The following CTNNA2 variants were observed in gnomAD, a reference collection of about 807,000 sequenced individuals.
CTNNA2 encodes catenin alpha-2.
Under a neutral mutation model 101.0 loss-of-function variants are expected in CTNNA2, and 42 were observed. The ratio of observed to expected loss-of-function variants is 0.42; its 90% confidence interval spans 0.32 to 0.54. CTNNA2 has a LOEUF of 0.54. CTNNA2 is among the 20% of genes least tolerant of loss of function. The pLI is 0.14. For missense variants in CTNNA2, 871 were observed against 1,223.1 expected, an observed-to-expected ratio of 0.71 and a Z score of 4.29; for synonymous variants, 450 against 456.4, an observed-to-expected ratio of 0.99 and a Z score of 0.18.
chr2:80,106,078 C>T (rs1024552254), intron 7 of CTNNA2, among the ~76,000 whole-genome samples: 2 of 152,180 alleles, frequency 1.3e-5, no homozygotes, highest in African/African-American at 2.4e-5. Context: ...AGCAATGCCT[C>T]CCCTAACAAA....
intron 4 of CTNNA2, among the ~76,000 whole-genome samples, chr2:79,421,571 A>G (rs139080742): frequency 1.3e-5 from 2 of 152,280 alleles, no homozygotes; most frequent in Non-Finnish European, 2.9e-5. Flanking sequence ...CTGGTGAACT[A>G]ACGACTGCTG....
intron 7 of CTNNA2, among the ~76,000 whole-genome samples, chr2:80,131,081 A>G (rs1311264224): frequency 1.3e-5 from 2 of 152,016 alleles, no homozygotes; most frequent in Non-Finnish European, 2.9e-5. Flanking sequence ...GTTTTGAGAC[A>G]GAGTCTGTCT....
intron 1 of CTNNA2, among the ~76,000 whole-genome samples, chr2:79,527,356 G>A (rs1265679226): frequency 6.6e-6 from 1 of 151,712 alleles, no homozygotes; most frequent in South Asian, 2.1e-4. Context: ...TATTAGGCCA[G>A]GCGCGGTGCC....
chr2:79,748,056 G>A (rs753501303), intron 3 of CTNNA2, among the ~76,000 whole-genome samples: 3 of 152,178 alleles, frequency 2.0e-5, no homozygotes, highest in African/African-American at 4.8e-5. Context: ...CTCACTGACA[G>A]CAAGGTCCTC....
intron 1 of CTNNA2, among the ~76,000 whole-genome samples, chr2:79,553,758 C>T (rs1456346395): frequency 6.6e-6 from 1 of 152,202 alleles, no homozygotes; most frequent in African/African-American, 2.4e-5. Flanking sequence ...TACCAGGCTT[C>T]TCCTCTTATC....
chr2:79,419,399 A>G (rs1210149940), intron 4 of CTNNA2, among the ~76,000 whole-genome samples: 1 of 152,118 alleles, frequency 6.6e-6, no homozygotes, highest in African/African-American at 2.4e-5. Context: ...TAGTGTATCA[A>G]TATTGACTCA....
intron 2 of CTNNA2, among the ~76,000 whole-genome samples, chr2:79,227,447 A>C (rs956285033): frequency 6.6e-6 from 1 of 152,202 alleles, no homozygotes; most frequent in Non-Finnish European, 1.5e-5. Flanking sequence ...GTTAGTGAGA[A>C]TTGAATGAGA....
intron 7 of CTNNA2, among the ~76,000 whole-genome samples, chr2:80,051,444 G>A (rs746148226): frequency 1.3e-4 from 20 of 152,142 alleles, no homozygotes; most frequent in Non-Finnish European, 2.2e-4. Context: ...ATCTTACTCT[G>A]CCAGATAGAT....
chr2:80,001,493 G>T (rs1479459847), intron 7 of CTNNA2, among the ~76,000 whole-genome samples: 1 of 152,162 alleles, frequency 6.6e-6, no homozygotes, highest in African/African-American at 2.4e-5. Context: ...AGTATAATAT[G>T]TGTGCATATA....
chr2:79,561,041 T>C (rs1266289843), intron 1 of CTNNA2, among the ~76,000 whole-genome samples: 1 of 151,916 alleles, frequency 6.6e-6, no homozygotes, highest in East Asian at 1.9e-4. Flanking sequence ...TTCCAGAATA[T>C]TTTCCTTACC....
At chr2:80,237,429 A>T (rs1448335764) in intron 7 of CTNNA2, among the ~76,000 whole-genome samples, 2 of 152,134 alleles carry the variant, frequency 1.3e-5, no homozygotes, top group African/African-American at 2.4e-5. Context: ...GTGTATTAGG[A>T]TGTGTCTCAT....
At position 79,714,916 on chromosome 2, in the gene CTNNA2, C is replaced by T. The variant is rs572959336; in HGVS notation, c.103-29471C>T. Reference sequence around the variant, plus strand: ...CCTAAAAACCACAGAGAAGGACGAGCGCGGTAGCTCACGCCTATAATCCCA... The same window carrying T: ...CCTAAAAACCACAGAGAAGGACGAGTGCGGTAGCTCACGCCTATAATCCCA... On this transcript the variant is annotated intron_variant, in intron 2 of 18. Transcript: ENST00000402739. Among the ~76,000 whole-genome samples the T allele has an allele frequency of 2.9e-4, 44 of 151,572 alleles. 1 individual carries two copies. The Middle Eastern group carries it at 0.037, about 129-fold the overall frequency.
intron 1 of CTNNA2, among the ~76,000 whole-genome samples, chr2:79,640,600 AAAGAATATGTCT>A (rs1680384826): frequency 6.6e-6 from 1 of 152,222 alleles, no homozygotes; most frequent in African/African-American, 2.4e-5. Context: ...AGTACTGAAC[AAAGAATATGTCT>A]AAGAATATGT....
intron 7 of CTNNA2, among the ~76,000 whole-genome samples, chr2:80,269,737 T>G (rs1673311255): frequency 6.6e-6 from 1 of 152,186 alleles, no homozygotes; most frequent in Non-Finnish European, 1.5e-5. Context: ...AAATTCTGAG[T>G]ACTATTTTCC....
chr2:79,710,638 C>T (rs377641540), intron 2 of CTNNA2, among the ~76,000 whole-genome samples: 2 of 152,144 alleles, frequency 1.3e-5, no homozygotes, highest in East Asian at 1.9e-4. Flanking sequence ...GAGGTGTTTG[C>T]AGGGCCTGTA....
chr2:80,289,527 CCT>C (rs1675054660), intron 7 of CTNNA2, among the ~76,000 whole-genome samples: 1 of 152,172 alleles, frequency 6.6e-6, no homozygotes, highest in Non-Finnish European at 1.5e-5. Flanking sequence ...CCACATTTCC[CCT>C]GAGGCTATTT....
intron 18 of CTNNA2, among the ~76,000 whole-genome samples, chr2:80,632,765 A>G (rs974526490): frequency 6.6e-6 from 1 of 152,154 alleles, no homozygotes; most frequent in Admixed American, 6.6e-5. Context: ...GAAGATCCCA[A>G]AAGAACTTCC....
At chr2:79,281,323 C>G (rs1675376016) in intron 2 of CTNNA2, 1 of 152,146 alleles carries the variant, frequency 6.6e-6, no homozygotes, top group Non-Finnish European at 1.5e-5. Context: ...TCTAAAGATA[C>G]TGGTCACTCA....
intron 2 of CTNNA2, among the ~76,000 whole-genome samples, chr2:79,265,749 A>G (rs998533945): frequency 5.9e-5 from 9 of 152,196 alleles, no homozygotes; most frequent in African/African-American, 1.4e-4. Flanking sequence ...ACTTGATTCA[A>G]TATTTGTTTG....
Sources: allele counts gnomAD v4.1 joint callset (sites outside exome capture counted in the v4.1 genomes callset), GRCh38; gene constraint gnomAD v4.1.1; transcripts MANE v1.5; gene names NCBI Gene and HGNC (gene_info 2026-07-23, HGNC 2026-07-21).